The following ELL variants were observed in gnomAD, a reference collection of about 807,000 sequenced individuals.
The protein encoded by ELL is RNA polymerase II elongation factor ELL.
Under a neutral mutation model 64.0 loss-of-function variants are expected in ELL, and 18 were observed. That is an observed-to-expected ratio of 0.28 (90% CI 0.19 to 0.42). ELL has a LOEUF of 0.42. Among genes scored for constraint, ELL ranks in the 10% least tolerant of loss-of-function variants. The probability of loss-of-function intolerance (pLI) is 1.00; values close to 1 mark genes in which losing one functional copy is unlikely to be tolerated. For missense variants in ELL, 797 were observed against 870.4 expected (o/e 0.92, Z 1.06); for synonymous variants, 399 against 376.2 (o/e 1.06, Z -0.70).
At chr19:18,510,594 A>G (rs1600504804) in intron 1 of ELL, among the ~76,000 whole-genome samples, 1 of 152,118 alleles carries the variant, frequency 6.6e-6, no homozygotes, top group African/African-American at 2.4e-5. Context: ...GGGTCCATCC[A>G]GGGGCATCAG....
At chr19:18,474,074 C>A (rs1255012776) in intron 1 of ELL, among the ~76,000 whole-genome samples, 1 of 152,240 alleles carries the variant, frequency 6.6e-6, no homozygotes, top group Non-Finnish European at 1.5e-5. Flanking sequence ...CCCCATGGGT[C>A]AGCCCAGGGT....
intron 11 of ELL, 42 bp from the exon 12 acceptor site, chr19:18,444,910 G>C (rs1326314275): frequency 6.4e-7 from 1 of 1,572,486 alleles, no homozygotes; most frequent in African/African-American, 1.4e-5. Context: ...AGCCGCCCTG[G>C]GTGCTGCTCC....
intron 1 of ELL, among the ~76,000 whole-genome samples, chr19:18,494,683 G>A (rs1178321205): frequency 2.0e-5 from 3 of 152,114 alleles, no homozygotes; most frequent in African/African-American, 7.2e-5. Flanking sequence ...ATGAGCCACC[G>A]CACCAGGCCA....
chr19:18,450,835 C>A lies in ELL; in HGVS notation c.1107G>T (p.Pro369=). 1.9e-6 allele frequency: 3 copies of A among 1,589,598 alleles called. No individual in the cohort carries two copies. Among genetic ancestry groups the A allele is most frequent in the Non-Finnish European group, 2.6e-6 (3 of 1,166,856 alleles). Residue 369 remains proline, a synonymous_variant, in exon 8 of 12, where the codon CCG becomes CCT. Coordinates refer to ENST00000262809, the MANE Select transcript of ELL (RefSeq NM_006532.4). ...PNGREALLPT[P]GPPASTDTLS... is the part of the protein sequence containing the mutation. ...GGGTGTCCGTGCTGGCTGGTGGGCC[C>A]GGGGTGGGCAGCAAGGCCTCACGGC... is the stretch of plus-strand genomic sequence containing the variant.
intron 1 of ELL, among the ~76,000 whole-genome samples, chr19:18,510,006 C>T (rs1221705282): frequency 6.6e-6 from 1 of 152,250 alleles, no homozygotes; most frequent in Non-Finnish European, 1.5e-5. Flanking sequence ...AGAAGTCCTG[C>T]CACTGAGAGG....
At chr19:18,520,560 G>A (rs963936731) in intron 1 of ELL, among the ~76,000 whole-genome samples, 7 of 152,134 alleles carry the variant, frequency 4.6e-5, no homozygotes, top group African/African-American at 7.2e-5. Flanking sequence ...AAAGACATGG[G>A]AAGAAGCACG....
At chr19:18,455,217 G>A (rs1405105220) in intron 6 of ELL, among the ~76,000 whole-genome samples, 1 of 151,760 alleles carries the variant, frequency 6.6e-6, no homozygotes, top group Admixed American at 6.6e-5. Flanking sequence ...GTTAGGCCAG[G>A]CACAGTGGAT....
chr19:18,509,594 CACATA>C (rs1975967471), intron 1 of ELL, among the ~76,000 whole-genome samples: 3 of 39,142 alleles, frequency 7.7e-5, no homozygotes, highest in African/African-American at 2.8e-4. Context: ...CGCGCGCGCG[CACATA>C]CACACACACA....
chr19:18,479,012 C>G (rs1975234815), intron 1 of ELL, among the ~76,000 whole-genome samples: 1 of 152,202 alleles, frequency 6.6e-6, no homozygotes. Flanking sequence ...TCCCCTGATC[C>G]TCTCCCCTCC....
intron 1 of ELL, among the ~76,000 whole-genome samples, chr19:18,519,951 A>G (rs1976224766): frequency 3.9e-5 from 6 of 152,182 alleles, no homozygotes; most frequent in Admixed American, 1.3e-4. Context: ...GGCTTGGAAA[A>G]GTTCTTCTAG....
At chr19:18,509,598 TACACACACACACACAC>T (rs1183127480) in intron 1 of ELL, among the ~76,000 whole-genome samples, 1,884 of 81,866 alleles carry the variant, frequency 0.023, 75 homozygotes, top group African/African-American at 0.1. Context: ...CGCGCGCACA[TACACACACACACACAC>T]ACACACACAC....
chr19:18,498,961 A>T (rs988600171), intron 1 of ELL, among the ~76,000 whole-genome samples: 1 of 152,098 alleles, frequency 6.6e-6, no homozygotes, highest in Non-Finnish European at 1.5e-5. Context: ...AAAAAACAAC[A>T]ACAACAACAA....
intron 1 of ELL, among the ~76,000 whole-genome samples, chr19:18,487,543 G>C (rs1421605190): frequency 6.6e-6 from 1 of 152,240 alleles, no homozygotes; most frequent in Non-Finnish European, 1.5e-5. Context: ...TAACTTTAGA[G>C]ACAGAACCTG....
intron 1 of ELL, among the ~76,000 whole-genome samples, chr19:18,486,509 C>T (rs1975420477): frequency 1.3e-5 from 2 of 152,106 alleles, no homozygotes; most frequent in Non-Finnish European, 2.9e-5. Flanking sequence ...CTCCGGTGGT[C>T]GGCCACACTC....
chr19:18,495,661 A>G (rs1417382310), intron 1 of ELL, among the ~76,000 whole-genome samples: 1 of 152,164 alleles, frequency 6.6e-6, no homozygotes, highest in Non-Finnish European at 1.5e-5. Flanking sequence ...ACTGAGGAGA[A>G]GAGGAGGAGC....
chr19:18,465,595 G>C lies in ELL; in HGVS notation c.306-20C>G. ...CCATGACTGCAAGACAAGGCCAGGA[G>C]CTGGGGTCAGCAGCTGGGACAATGC... On this transcript the variant is annotated intron_variant, in intron 3 of 11. Coordinates refer to ENST00000262809, the MANE Select transcript of ELL (RefSeq NM_006532.4). The C allele has an allele frequency of 3.8e-6, 6 of 1,568,076 alleles. No individual in the cohort carries two copies. Among genetic ancestry groups the C allele is most frequent in the Non-Finnish European group, 4.4e-6 (5 of 1,148,898 alleles).
intron 2 of ELL, among the ~76,000 whole-genome samples, chr19:18,466,383 C>A (rs1002588005): frequency 6.6e-6 from 1 of 152,218 alleles, no homozygotes; most frequent in Admixed American, 6.5e-5. Context: ...TCCTTGGCGA[C>A]CCCCTCTCAG....
rs1413552150 is a variant in ELL at position 18,446,785 on chromosome 19, C to T, written c.1495G>A (p.Val499Ile). The T allele has an allele frequency of 5.0e-6, 8 of 1,613,978 alleles. No individual in the cohort carries two copies. The Admixed American group carries it at 6.7e-5, about 13-fold the overall frequency. ...GLNGTCSVSS[V>I]PTSTSETPDY... is the part of the protein sequence containing the mutation. ...GGCGTCTCCGACGTGGACGTGGGAA[C>T]ACTGGAAACGCTGCAGGTTCCGTTT... Residue 499 changes from valine (V) to isoleucine (I), a missense_variant, in exon 9 of 12, where the codon GTT becomes ATT. Val to Ile is a conservative substitution (Grantham distance 29, BLOSUM62 3). Coordinates refer to ENST00000262809, the MANE Select transcript of ELL (RefSeq NM_006532.4).
chr19:18,478,451 C>A (rs1475970488), intron 1 of ELL, among the ~76,000 whole-genome samples: 1 of 152,216 alleles, frequency 6.6e-6, no homozygotes, highest in Non-Finnish European at 1.5e-5. Flanking sequence ...CCTGCCCAGT[C>A]TCTGTAGACC....
Sources: allele counts gnomAD v4.1 joint callset (sites outside exome capture counted in the v4.1 genomes callset), GRCh38; gene constraint gnomAD v4.1.1; transcripts MANE v1.5; gene names NCBI Gene and HGNC (gene_info 2026-07-23, HGNC 2026-07-21).